Variants in TENM3 observed in about 807,000 individuals in gnomAD.
The protein encoded by TENM3 is teneurin transmembrane protein 3.
A neutral mutation model predicts 255.1 loss-of-function variants in TENM3; 63 were observed. The observed-to-expected ratio is 0.25, with a 90% CI of 0.20 to 0.30. TENM3 has a LOEUF of 0.30. TENM3 is among the 10% of genes least tolerant of loss of function. The pLI is 1.00. For synonymous variants in TENM3, 1,306 were observed against 1,322.3 expected, an observed-to-expected ratio of 0.99 and a Z score of 0.27; for missense variants, 2,929 against 3,461.1, an observed-to-expected ratio of 0.85 and a Z score of 3.86.
intron 3 of TENM3, among the ~76,000 whole-genome samples, chr4:182,466,496 A>T (rs532949165): frequency 2.0e-5 from 3 of 151,728 alleles, no homozygotes; most frequent in Non-Finnish European, 4.4e-5. Flanking sequence ...TGCCTGGCTA[A>T]TTTTTTTTAT....
the TENM3 span, among the ~76,000 whole-genome samples, chr4:181,647,080 C>T: frequency 1.5e-4 from 23 of 152,202 alleles, no homozygotes; most frequent in East Asian, 3.3e-3. Context: ...AGAAGACATA[C>T]GGAATATTAA....
chr4:182,493,958 C>G (rs981816947), intron 3 of TENM3, among the ~76,000 whole-genome samples: 1 of 152,052 alleles, frequency 6.6e-6, no homozygotes, highest in Non-Finnish European at 1.5e-5. Context: ...ACTTTTATTT[C>G]TTAAATTAAT....
chr4:181,901,487 A>G, the TENM3 span, among the ~76,000 whole-genome samples: 1 of 152,348 alleles, frequency 6.6e-6, no homozygotes, highest in Middle Eastern at 3.4e-3. Context: ...AGTTGTTTAG[A>G]TGAGCCTCTG....
chr4:182,081,228 C>T, the TENM3 span, among the ~76,000 whole-genome samples: 1 of 152,106 alleles, frequency 6.6e-6, no homozygotes, highest in Non-Finnish European at 1.5e-5. Context: ...TGAATAGGTG[C>T]CAAGAAGTTT....
chr4:181,625,825 AT>A, the TENM3 span, among the ~76,000 whole-genome samples: 9 of 135,014 alleles, frequency 6.7e-5, no homozygotes, highest in Non-Finnish European at 1.4e-4. Flanking sequence ...AAAAAAAATA[AT>A]AATAATAACA....
At chr4:181,876,936 A>T in the TENM3 span, 24 of 152,292 alleles carry the variant, frequency 1.6e-4, no homozygotes, top group African/African-American at 5.8e-4. Flanking sequence ...AGAAAAATAA[A>T]GAAATAATTA....
chr4:181,990,672 G>A, the TENM3 span, among the ~76,000 whole-genome samples: 27 of 152,076 alleles, frequency 1.8e-4, no homozygotes, highest in African/African-American at 5.1e-4. Context: ...GCGGCATGCC[G>A]AGGAGGTTGT....
chr4:181,786,144 A>T, the TENM3 span, among the ~76,000 whole-genome samples: 2 of 152,320 alleles, frequency 1.3e-5, no homozygotes, highest in East Asian at 1.9e-4. Context: ...GAGAAAAAAC[A>T]ATCTGATAGT....
chr4:182,323,364 A>C (rs1030446346), intron 1 of TENM3, among the ~76,000 whole-genome samples: 2 of 151,336 alleles, frequency 1.3e-5, no homozygotes, highest in Non-Finnish European at 2.9e-5. Flanking sequence ...AAGACATTTG[A>C]GTTCTTAAAA....
the TENM3 span, among the ~76,000 whole-genome samples, chr4:181,607,413 ATT>A: frequency 0.015 from 2,189 of 147,636 alleles, 31 homozygotes; most frequent in South Asian, 0.05. Context: ...TTGGCATTTA[ATT>A]TTTTTTTTTT....
chr4:182,419,237 G>C (rs1770613263), intron 3 of TENM3, among the ~76,000 whole-genome samples: 1 of 152,102 alleles, frequency 6.6e-6, no homozygotes, highest in Admixed American at 6.5e-5. Flanking sequence ...CTCAAAAGAA[G>C]ACATTTATGC....
chr4:182,086,143 G>A, the TENM3 span, among the ~76,000 whole-genome samples: 3 of 152,118 alleles, frequency 2.0e-5, no homozygotes, highest in Non-Finnish European at 4.4e-5. Context: ...TATTAAAACA[G>A]GACTTTGAGC....
chr4:182,695,895 A>G lies in TENM3; in HGVS notation c.2221+7544A>G, dbSNP rs564085803. ...ATGAATATTTCTCCTTTGAGTATTT[A>G]TCAGAATTCCTGTGTTTGTAGGGTA... On this transcript the variant is annotated intron_variant, in intron 12 of 27. Transcript: ENST00000511685. Among the ~76,000 whole-genome samples, 175 of 152,214 alleles carry G rather than the reference A, an allele frequency of 1.1e-3. 1 individual carries two copies. The highest frequency in any genetic ancestry group is 2.1e-3 in the Non-Finnish European group (144 of 68,026).
chr4:182,735,195 C>T (rs1008637791), intron 16 of TENM3, among the ~76,000 whole-genome samples: 2 of 152,110 alleles, frequency 1.3e-5, no homozygotes, highest in African/African-American at 4.8e-5. Flanking sequence ...TGCTTAAGAC[C>T]GTTTTGTGGC....
chr4:182,284,666 G>C (rs1760613527), intron 1 of TENM3, among the ~76,000 whole-genome samples: 1 of 152,090 alleles, frequency 6.6e-6, no homozygotes, highest in Non-Finnish European at 1.5e-5. Context: ...CATGCAGTCA[G>C]ACTGGTGTCG....
the TENM3 span, among the ~76,000 whole-genome samples, chr4:181,541,497 T>G: frequency 6.6e-6 from 1 of 152,246 alleles, no homozygotes; most frequent in East Asian, 1.9e-4. Flanking sequence ...CTGATTTAGA[T>G]GAGTCATGGA....
At chr4:182,569,391 T>C (rs1560938083) in intron 3 of TENM3, among the ~76,000 whole-genome samples, 1 of 151,778 alleles carries the variant, frequency 6.6e-6, no homozygotes, top group Non-Finnish European at 1.5e-5. Flanking sequence ...CTGTCTCTAC[T>C]AAAAATACAA....
At chr4:181,856,752 G>C in the TENM3 span, among the ~76,000 whole-genome samples, 2 of 152,162 alleles carry the variant, frequency 1.3e-5, no homozygotes, top group Non-Finnish European at 2.9e-5. Context: ...GGCTCTCTCT[G>C]TTGTATTTAT....
At chr4:182,179,145 C>T (rs1752694228) in intron 1 of TENM3, among the ~76,000 whole-genome samples, 2 of 152,184 alleles carry the variant, frequency 1.3e-5, no homozygotes, top group South Asian at 4.1e-4. Context: ...GATTTCATTT[C>T]AAAATGCTTT....
Sources: gnomAD v4.1 joint callset for allele counts (sites outside exome capture counted in the v4.1 genomes callset) on GRCh38, gnomAD v4.1.1 for gene constraint, MANE v1.5 for transcripts, NCBI Gene and HGNC (gene_info 2026-07-23, HGNC 2026-07-21) for gene names.